SH3PXD2A: variants seen among roughly 807,000 people sequenced by gnomAD.
SH3PXD2A encodes the protein SH3 and PX domain-containing protein 2A.
A neutral mutation model predicts 115.2 loss-of-function variants in SH3PXD2A; 32 were observed. The ratio of observed to expected loss-of-function variants is 0.28; its 90% CI spans 0.21 to 0.37. The LOEUF (loss-of-function observed/expected upper bound fraction) is 0.37, where lower values mean the gene tolerates loss of function less well. Ranked by LOEUF, SH3PXD2A falls within the 10% of genes least tolerant of loss-of-function variation. SH3PXD2A has a pLI of 1.00. For missense variants in SH3PXD2A, 1,328 were observed against 1,498.7 expected, an observed-to-expected ratio of 0.89 and a Z score of 1.88; for synonymous variants, 610 against 629.1, an observed-to-expected ratio of 0.97 and a Z score of 0.45.
chr10:103,852,885 G>GA (rs5787501), intron 1 of SH3PXD2A, among the ~76,000 whole-genome samples: 1 of 152,074 alleles, frequency 6.6e-6, no homozygotes, highest in Non-Finnish European at 1.5e-5. Flanking sequence ...TACATGCAAT[G>GA]AAAAAAACCC....
chr10:103,674,744 T>C (rs1484602889), intron 6 of SH3PXD2A, among the ~76,000 whole-genome samples: 1 of 152,074 alleles, frequency 6.6e-6, no homozygotes. Flanking sequence ...TGCTTGAACC[T>C]GGGAAGTGGA....
At chr10:103,695,837 T>A (rs2037818231) in intron 5 of SH3PXD2A, among the ~76,000 whole-genome samples, 1 of 152,236 alleles carries the variant, frequency 6.6e-6, no homozygotes, top group Admixed American at 6.5e-5. Flanking sequence ...GGCCTGCCTG[T>A]CCTTCAGCCA....
At chr10:103,718,766 C>CACACACAT (rs1248787218) in intron 5 of SH3PXD2A, among the ~76,000 whole-genome samples, 2 of 142,792 alleles carry the variant, frequency 1.4e-5, no homozygotes, top group Admixed American at 1.4e-4. Context: ...TCAGGACACA[C>CACACACAT]ACACACACAC....
Position 103,602,465 on chromosome 10 carries a change from T to C in SH3PXD2A, c.2753A>G (p.Gln918Arg). Residue 918 changes from glutamine (Q) to arginine (R), a missense_variant, in exon 15 of 15, where the codon CAG becomes CGG. Physicochemically the swap from Gln to Arg is conservative, Grantham distance 43. This residue lies in a region of SH3PXD2A where 574 missense variants were observed against 565.7 expected (regional missense o/e 1.01). Transcript: ENST00000369774. ...CAGGCTGTCTGATTTGCCTTCGTTCTGCCTGCCCTTGGCGGGCACTGTGTC... is the reference window on the plus strand; with the variant it reads ...CAGGCTGTCTGATTTGCCTTCGTTCCGCCTGCCCTTGGCGGGCACTGTGTC... ...ELDTVPAKGRQNEGKSDSLEK... is the reference protein window; with the variant it reads ...ELDTVPAKGRRNEGKSDSLEK... 1 of 1,614,164 alleles carries C rather than the reference T, an allele frequency of 6.2e-7. No individual in the cohort carries two copies. The highest frequency in any genetic ancestry group is 8.5e-7 in the Non-Finnish European group (1 of 1,180,006).
At chr10:103,818,624 G>A (rs1040033127) in intron 1 of SH3PXD2A, among the ~76,000 whole-genome samples, 6 of 152,186 alleles carry the variant, frequency 3.9e-5, no homozygotes, top group Non-Finnish European at 5.9e-5. Context: ...AATGCCATCA[G>A]CTCCTGTTTG....
chr10:103,661,804 T>C, intron 7 of SH3PXD2A: 1 of 984,710 alleles, frequency 1.0e-6, no homozygotes, highest in Non-Finnish European at 1.2e-6. Flanking sequence ...ACCCGTCGAA[T>C]GAGGAGCCGG....
chr10:103,724,244 C>A (rs1216923169), intron 5 of SH3PXD2A, 26 bp downstream of exon 5: 2 of 1,395,964 alleles, frequency 1.4e-6, no homozygotes, highest in Non-Finnish European at 1.9e-6. Flanking sequence ...CCCCAGCACA[C>A]AGGAGAGGCC....
At chr10:103,694,053 G>A (rs2037795720) in intron 5 of SH3PXD2A, among the ~76,000 whole-genome samples, 1 of 152,206 alleles carries the variant, frequency 6.6e-6, no homozygotes, top group South Asian at 2.1e-4. Context: ...AATCCTCAGG[G>A]GACTGGGAAA....
chr10:103,779,216 C>T (rs2038909349), intron 2 of SH3PXD2A, among the ~76,000 whole-genome samples: 1 of 152,200 alleles, frequency 6.6e-6, no homozygotes. Context: ...TTACAGGCAC[C>T]TGCCACCACG....
At chr10:103,759,923 A>G (rs2038682201) in intron 3 of SH3PXD2A, among the ~76,000 whole-genome samples, 2 of 152,220 alleles carry the variant, frequency 1.3e-5, no homozygotes, top group East Asian at 3.8e-4. Flanking sequence ...GCTAAGGCAC[A>G]CTTCTGAGCC....
intron 2 of SH3PXD2A, among the ~76,000 whole-genome samples, chr10:103,778,558 T>C (rs2038902304): frequency 6.6e-6 from 1 of 152,208 alleles, no homozygotes; most frequent in South Asian, 2.1e-4. Context: ...CATTTTCTCA[T>C]CTGTAAAATG....
At chr10:103,647,443 C>A (rs1415600387) in intron 8 of SH3PXD2A, among the ~76,000 whole-genome samples, 2 of 152,170 alleles carry the variant, frequency 1.3e-5, no homozygotes, top group Non-Finnish European at 2.9e-5. Context: ...GGTCAGGCCC[C>A]TGAGGTCCAA....
chr10:103,769,434 T>TTTC (rs71476606), intron 2 of SH3PXD2A, among the ~76,000 whole-genome samples: 31,951 of 139,482 alleles, frequency 0.23, 4,118 homozygotes, highest in African/African-American at 0.31. Context: ...TTTCTTTTTC[T>TTTC]TTCTTCTTCT....
At chr10:103,622,819 A>C (rs2036627598) in intron 9 of SH3PXD2A, among the ~76,000 whole-genome samples, 1 of 152,180 alleles carries the variant, frequency 6.6e-6, no homozygotes, top group Non-Finnish European at 1.5e-5. Context: ...AAGCCTTTAG[A>C]ATCCCAGCAC....
chr10:103,846,635 T>A (rs1482506074), intron 1 of SH3PXD2A, among the ~76,000 whole-genome samples: 1 of 152,232 alleles, frequency 6.6e-6, no homozygotes, highest in African/African-American at 2.4e-5. Context: ...ATACCTGCCC[T>A]CCGCTCTGCA....
intron 7 of SH3PXD2A, chr10:103,662,038 C>T: frequency 2.5e-6 from 2 of 808,408 alleles, no homozygotes; most frequent in African/African-American, 3.7e-5. Flanking sequence ...CCAGAGAGGG[C>T]CCTCTGGCTG....
At chr10:103,837,170 C>T (rs932023360) in intron 1 of SH3PXD2A, among the ~76,000 whole-genome samples, 1 of 152,152 alleles carries the variant, frequency 6.6e-6, no homozygotes, top group African/African-American at 2.4e-5. Context: ...ATTCTTTTAC[C>T]TACTCAGGAA....
intron 3 of SH3PXD2A, among the ~76,000 whole-genome samples, chr10:103,744,172 C>G (rs1017690953): frequency 7.5e-4 from 96 of 128,498 alleles, no homozygotes; most frequent in African/African-American, 2.7e-3. Context: ...TTTTTTTTTG[C>G]GACAGAGTTT....
At chr10:103,626,707 G>A (rs1388260288) in intron 9 of SH3PXD2A, among the ~76,000 whole-genome samples, 4 of 151,312 alleles carry the variant, frequency 2.6e-5, no homozygotes, top group African/African-American at 9.7e-5. Context: ...CATGTGGATC[G>A]CTTGAGCCCA....
Sources: gnomAD v4.1 joint callset for allele counts (sites outside exome capture counted in the v4.1 genomes callset) on GRCh38, gnomAD v4.1.1 for gene constraint, gnomAD v4.1.1 regional missense constraint, MANE v1.5 for transcripts, NCBI Gene and HGNC (gene_info 2026-07-23, HGNC 2026-07-21) for gene names.